The following SHISA9 variants were observed in gnomAD, a reference collection of about 807,000 sequenced individuals.
The protein encoded by SHISA9 is protein shisa-9.
In SHISA9, 13 loss-of-function variants were observed where a neutral mutation model predicts 38.0. The ratio of observed to expected loss-of-function variants is 0.34; its 90% CI spans 0.22 to 0.54. SHISA9 has a LOEUF of 0.54. Among genes scored for constraint, SHISA9 ranks in the 20% least tolerant of loss-of-function variants. SHISA9 has a pLI of 0.91. For missense variants in SHISA9, 538 were observed against 575.8 expected (o/e 0.93, Z 0.67); for synonymous variants, 275 against 242.0 (o/e 1.14, Z -1.27).
At chr16:13,079,146 G>A (rs760243260) in intron 2 of SHISA9, among the ~76,000 whole-genome samples, 3 of 152,158 alleles carry the variant, frequency 2.0e-5, no homozygotes, top group Admixed American at 6.5e-5. Flanking sequence ...GTGAAATGCC[G>A]AGCACAGCCC....
At chr16:12,929,688 G>C (rs559551699) in intron 2 of SHISA9, among the ~76,000 whole-genome samples, 7 of 152,106 alleles carry the variant, frequency 4.6e-5, no homozygotes, top group African/African-American at 1.2e-4. Flanking sequence ...TGGATGCTGG[G>C]CTTAATACCC....
chr16:13,284,129 C>A, the SHISA9 span, among the ~76,000 whole-genome samples: 1 of 152,172 alleles, frequency 6.6e-6, no homozygotes, highest in Non-Finnish European at 1.5e-5. Flanking sequence ...TCTGCCTTCT[C>A]AACTTAGCAG....
intron 2 of SHISA9, among the ~76,000 whole-genome samples, chr16:13,003,669 C>T (rs568378052): frequency 6.6e-6 from 1 of 152,196 alleles, no homozygotes; most frequent in Admixed American, 6.5e-5. Context: ...ACCAGCCTGA[C>T]CAGTATGGTG....
At chr16:13,437,019 A>G in the SHISA9 span, among the ~76,000 whole-genome samples, 1 of 152,152 alleles carries the variant, frequency 6.6e-6, no homozygotes, top group African/African-American at 2.4e-5. Context: ...AGACTTACTC[A>G]TTTTCATGAG....
the SHISA9 span, among the ~76,000 whole-genome samples, chr16:13,286,056 C>T: frequency 2.6e-5 from 4 of 152,148 alleles, no homozygotes; most frequent in Non-Finnish European, 4.4e-5. Flanking sequence ...TTGATTGCCT[C>T]CTTTGAAAAG....
At chr16:13,054,547 C>G (rs1403956364) in intron 2 of SHISA9, among the ~76,000 whole-genome samples, 2 of 152,138 alleles carry the variant, frequency 1.3e-5, no homozygotes, top group African/African-American at 4.8e-5. Flanking sequence ...CTTTAACTTT[C>G]TATTATAATC....
At chr16:13,170,725 CGGCTCA>C (rs1471947774) in intron 2 of SHISA9, among the ~76,000 whole-genome samples, 3 of 152,312 alleles carry the variant, frequency 2.0e-5, no homozygotes, top group African/African-American at 7.2e-5. Context: ...GGTGCCATCT[CGGCTCA>C]CTGCAACCTC....
the SHISA9 span, among the ~76,000 whole-genome samples, chr16:13,339,941 T>C: frequency 1.3e-5 from 2 of 152,220 alleles, no homozygotes; most frequent in African/African-American, 4.8e-5. Flanking sequence ...ATGATTATAT[T>C]ATTATTAATT....
intron 2 of SHISA9, among the ~76,000 whole-genome samples, chr16:12,930,463 G>T (rs193045315): frequency 6.6e-6 from 1 of 152,064 alleles, no homozygotes; most frequent in Non-Finnish European, 1.5e-5. Flanking sequence ...TTCAAAGTTC[G>T]GCCCACCAAT....
intron 2 of SHISA9, among the ~76,000 whole-genome samples, chr16:12,986,285 CT>C (rs2072307714): frequency 6.6e-6 from 1 of 152,148 alleles, no homozygotes; most frequent in Non-Finnish European, 1.5e-5. Flanking sequence ...CTCCCTCTTT[CT>C]TTTCCTCTTT....
chr16:13,320,830 C>G, the SHISA9 span, among the ~76,000 whole-genome samples: 1,971 of 152,274 alleles, frequency 0.013, 52 homozygotes, highest in African/African-American at 0.045. Flanking sequence ...GTGGCCACCC[C>G]CCTCTAGACC....
intron 2 of SHISA9, among the ~76,000 whole-genome samples, chr16:12,930,638 A>T (rs1337469472): frequency 1.3e-5 from 2 of 152,210 alleles, no homozygotes; most frequent in Admixed American, 6.5e-5. Context: ...TATTTATGAC[A>T]TGACTATGTC....
chr16:13,018,055 T>TTGTCCTCTGC, intron 2 of SHISA9, among the ~76,000 whole-genome samples: 1 of 152,364 alleles, frequency 6.6e-6, no homozygotes, highest in African/African-American at 2.4e-5. Context: ...AAATCCTGTG[T>TTGTCCTCTGC]TGTCCTCTGC....
the SHISA9 span, among the ~76,000 whole-genome samples, chr16:13,390,494 GTC>G: frequency 7.9e-5 from 12 of 152,084 alleles, no homozygotes; most frequent in African/African-American, 2.7e-4. Flanking sequence ...TTTGCTTTCA[GTC>G]TCTCTGTTAT....
At chr16:12,986,845 G>T (rs1242390855) in intron 2 of SHISA9, among the ~76,000 whole-genome samples, 1 of 152,196 alleles carries the variant, frequency 6.6e-6, no homozygotes, top group African/African-American at 2.4e-5. Flanking sequence ...AAAGGAACCT[G>T]CCCAGGTTCA....
At chr16:13,099,091 T>C (rs1434552989) in intron 2 of SHISA9, among the ~76,000 whole-genome samples, 1 of 152,282 alleles carries the variant, frequency 6.6e-6, no homozygotes, top group Non-Finnish European at 1.5e-5. Flanking sequence ...CAAATCCAGC[T>C]GCTGCCTGTT....
chr16:13,447,392 G>A, the SHISA9 span, among the ~76,000 whole-genome samples: 2 of 152,216 alleles, frequency 1.3e-5, no homozygotes, highest in Non-Finnish European at 2.9e-5. Flanking sequence ...CAGGAACTCT[G>A]AGAGCAATAA....
chr16:12,937,270 A>G (rs930291195), intron 2 of SHISA9, among the ~76,000 whole-genome samples: 2 of 152,254 alleles, frequency 1.3e-5, no homozygotes, highest in African/African-American at 2.4e-5. Context: ...GTCAATATGT[A>G]CATGGTAGAA....
chr16:13,527,838 T>C, the SHISA9 span, among the ~76,000 whole-genome samples: 2 of 152,104 alleles, frequency 1.3e-5, no homozygotes, highest in Non-Finnish European at 2.9e-5. Context: ...ATGTAGGATA[T>C]GGGGAAGGAG....
Sources: allele counts gnomAD v4.1 joint callset (sites outside exome capture counted in the v4.1 genomes callset), GRCh38; gene constraint gnomAD v4.1.1; transcripts MANE v1.5; gene names NCBI Gene and HGNC (gene_info 2026-07-23, HGNC 2026-07-21).